Variants in ATIC observed in about 807,000 individuals in gnomAD.
ATIC encodes the protein bifunctional purine biosynthesis protein ATIC.
Under a neutral mutation model 72.5 loss-of-function variants are expected in ATIC, and 64 were observed. That is an observed-to-expected ratio of 0.88 (90% CI 0.72 to 1.09). The LOEUF (loss-of-function observed/expected upper bound fraction) is 1.09, where lower values mean the gene tolerates loss of function less well. Among genes scored for constraint, ATIC ranks in the 50% least tolerant of loss-of-function variants. The probability of loss-of-function intolerance (pLI) is 0.00; values close to 1 mark genes in which losing one functional copy is unlikely to be tolerated. For synonymous variants in ATIC, 281 were observed against 267.1 expected (o/e 1.05, Z -0.51); for missense variants, 787 against 732.4 (o/e 1.07, Z -0.86).
chr2:215,367,726 G>T, the ATIC span: 7 of 850,288 alleles, frequency 8.2e-6, no homozygotes, highest in African/African-American at 1.7e-5. Flanking sequence ...ATATTACTTC[G>T]AGTCAAACAG....
chr2:215,319,728 T>C lies in ATIC; in HGVS notation c.287T>C (p.Ile96Thr), dbSNP rs759249668. 2.6e-5 allele frequency: 42 copies of C among 1,606,236 alleles called. No homozygotes were observed. The Middle Eastern group carries it at 6.6e-4, about 25-fold the overall frequency. ...ADMARLDFNL[I>T]RVVACNLYPF... ...ATGGCCAGACTTGATTTCAATCTTA[T>C]AAGGTAAAAACCTGAAATTAAACTT... The change falls in exon 4 of 16, where the codon ATA (isoleucine) becomes ACA (threonine). Residue 96 changes from isoleucine (I) to threonine (T), a missense_variant. Transcript: ENST00000236959.
chr2:215,331,557 G>GT lies in ATIC; in HGVS notation c.689-820dup, dbSNP rs1194868647. On this transcript the variant is annotated intron_variant, in intron 7 of 15. Transcript: ENST00000236959. The stretch of plus-strand genomic sequence containing the variant: ...GCCACCACACCCAGCTAATTTTTGT[G>GT]TTTTTAGTAGAGACGGGGGTTTCAC... 2.6e-5 allele frequency among the ~76,000 whole-genome samples: 4 copies of GT among 151,660 alleles called. No homozygotes were observed. In the East Asian group the frequency reaches 7.7e-4, roughly 29 times the overall value.
downstream of ATIC, among the ~76,000 whole-genome samples, chr2:215,350,653 A>G (rs2053123469): frequency 2.0e-5 from 3 of 152,186 alleles, no homozygotes; most frequent in Admixed American, 2.0e-4. Flanking sequence ...CTGCATAAAA[A>G]TGTAGTCAAT....
chr2:215,340,091 T>C (rs1205425397), intron 12 of ATIC, among the ~76,000 whole-genome samples: 1 of 152,204 alleles, frequency 6.6e-6, no homozygotes, highest in Non-Finnish European at 1.5e-5. Context: ...CTGATGGATA[T>C]TTAGATTGCT....
At chr2:215,334,269 C>G (rs2052930835) in intron 9 of ATIC, among the ~76,000 whole-genome samples, 1 of 146,238 alleles carries the variant, frequency 6.8e-6, no homozygotes, top group Non-Finnish European at 1.5e-5. Context: ...TCTCAGCTCA[C>G]TGCAACCTCC....
chr2:215,314,728 T>C (rs575478832), intron 2 of ATIC, among the ~76,000 whole-genome samples: 74 of 152,216 alleles, frequency 4.9e-4, no homozygotes, highest in African/African-American at 1.8e-3. Context: ...CTCGAACTCC[T>C]GACCTCAAGT....
chr2:215,347,131 T>G, intron 14 of ATIC, 190 bp downstream of exon 14: 1 of 786,158 alleles, frequency 1.3e-6, no homozygotes, highest in Non-Finnish European at 2.0e-6. Context: ...CTTTCTTCAT[T>G]GTTTTTGACC....
In ATIC at chr2:215,338,823, C is replaced by T; in HGVS notation, c.1143C>T (p.Leu381=). ...YKPDENEVRT[L]FGLHLSQKRN... ...CAGATGAAAATGAAGTTCGAACTCT[C>T]TTTGGTCTTCATTTAAGCCAGAAGA... Residue 381 remains leucine, a synonymous_variant, in exon 12 of 16, where the codon CTC becomes CTT. Coordinates refer to ENST00000236959, the MANE Select transcript of ATIC (RefSeq NM_004044.7). 6.2e-7 allele frequency: 1 copy of T among 1,613,852 alleles called. No individual in the cohort carries two copies. The highest frequency in any genetic ancestry group is 1.7e-4 in the Middle Eastern group (1 of 6,058).
chr2:215,325,460 A>T, intron 5 of ATIC, 131 bp downstream of exon 5: 1 of 638,604 alleles, frequency 1.6e-6, no homozygotes. Flanking sequence ...TTTTGGGATT[A>T]CTATAATTCA....
At chr2:215,316,229 T>A (rs2105991085) in intron 2 of ATIC, among the ~76,000 whole-genome samples, 1 of 152,340 alleles carries the variant, frequency 6.6e-6, no homozygotes, top group South Asian at 2.1e-4. Flanking sequence ...TCTCTAAGTT[T>A]TAAGTGACTG....
chr2:215,315,729 T>A (rs2052700716), intron 2 of ATIC, among the ~76,000 whole-genome samples: 1 of 152,066 alleles, frequency 6.6e-6, no homozygotes. Flanking sequence ...GGCTGCTGGA[T>A]CATCTGAGGT....
In ATIC at chr2:215,318,384, G is replaced by A. The variant is rs142625411; in HGVS notation, c.223+151G>A. 5.8e-3 allele frequency: 4,435 copies of A among 761,012 alleles called. 44 individuals carry two copies. Among genetic ancestry groups the A allele is most frequent in the Non-Finnish European group, 6.1e-3 (2,705 of 442,390 alleles). The allele number at this position is 761,012 out of a possible 1,614,324, so 47.1% of individuals were successfully genotyped here. A position where few individuals can be genotyped will look rare whatever the true frequency, so the allele number is the denominator to read the frequency against. On this transcript the variant is annotated intron_variant, in intron 3 of 15. Coordinates refer to ENST00000236959, the MANE Select transcript of ATIC (RefSeq NM_004044.7). ...AAGTTGCTGCCAGATTTCATAATAC[G>A]TTAGAACTGGTTTAAAATCCAGCTT...
chr2:215,356,771 C>T, the ATIC span, among the ~76,000 whole-genome samples: 1 of 152,154 alleles, frequency 6.6e-6, no homozygotes, highest in East Asian at 1.9e-4. Context: ...GCAGCATGTA[C>T]ATTCCTTTTA....
chr2:215,334,036 C>A (rs1369134808), intron 9 of ATIC, among the ~76,000 whole-genome samples: 2 of 145,040 alleles, frequency 1.4e-5, no homozygotes, highest in African/African-American at 5.1e-5. Context: ...AGCGATACTC[C>A]GTCTCAAAAA....
the ATIC span, chr2:215,363,663 C>G: frequency 6.6e-6 from 1 of 152,278 alleles, no homozygotes; most frequent in Non-Finnish European, 1.5e-5. Flanking sequence ...TGAGTCTCAC[C>G]CTTGAGTGTG....
chr2:215,331,545 G>A (rs917671780), intron 7 of ATIC, among the ~76,000 whole-genome samples: 1 of 151,962 alleles, frequency 6.6e-6, no homozygotes, highest in Non-Finnish European at 1.5e-5. Context: ...ACCACACCCA[G>A]CTAATTTTTG....
In ATIC at chr2:215,344,881, C is replaced by T. The variant is rs756614848; in HGVS notation, c.1320+10C>T. ...CGCCAAGAACGGGCAGGTAAGTGGG[C>T]TGTTGGACTCGCCTTCGGGGGACTG... On this transcript the variant is annotated intron_variant, in intron 13 of 15. Coordinates refer to ENST00000236959, the MANE Select transcript of ATIC (RefSeq NM_004044.7). 3 of 1,612,264 alleles carry T rather than the reference C, an allele frequency of 1.9e-6. No homozygotes were observed. In the South Asian group the frequency reaches 3.3e-5, roughly 18 times the overall value.
chr2:215,331,430 TG>T (rs1481545511), intron 7 of ATIC, among the ~76,000 whole-genome samples: 2 of 147,564 alleles, frequency 1.4e-5, no homozygotes, highest in Non-Finnish European at 3.0e-5. Flanking sequence ...TTGGCCAGGC[TG>T]GAGTGCAGTG....
At chr2:215,333,057 A>G (rs1309561592) in intron 8 of ATIC, among the ~76,000 whole-genome samples, 1 of 152,166 alleles carries the variant, frequency 6.6e-6, no homozygotes, top group African/African-American at 2.4e-5. Flanking sequence ...AGCAGAACAG[A>G]GAGAAAGAGT....
Sources: gnomAD v4.1 joint callset for allele counts (sites outside exome capture counted in the v4.1 genomes callset) on GRCh38, gnomAD v4.1.1 for gene constraint, MANE v1.5 for transcripts, NCBI Gene and HGNC (gene_info 2026-07-23, HGNC 2026-07-21) for gene names.